Variants in SLC25A21 observed in about 807,000 individuals in gnomAD.
SLC25A21 encodes mitochondrial 2-oxodicarboxylate carrier.
A neutral mutation model predicts 43.8 loss-of-function variants in SLC25A21; 47 were observed. That is an observed-to-expected ratio of 1.07 (90% CI 0.85 to 1.37). The LOEUF is 1.37. Among genes scored for constraint, SLC25A21 ranks in the 40% most tolerant of loss-of-function variants. The pLI is 0.00. For missense variants in SLC25A21, 352 were observed against 350.2 expected, an observed-to-expected ratio of 1.00 and a Z score of -0.04; for synonymous variants, 131 against 121.3, an observed-to-expected ratio of 1.08 and a Z score of -0.52.
At chr14:37,074,271 C>T (rs931355078) in intron 1 of SLC25A21, among the ~76,000 whole-genome samples, 4 of 151,900 alleles carry the variant, frequency 2.6e-5, no homozygotes, top group African/African-American at 7.3e-5. Flanking sequence ...TACTATTCTA[C>T]GGTTGAAACT....
At chr14:36,808,852 C>G (rs896343573) in intron 3 of SLC25A21, 2 of 152,104 alleles carry the variant, frequency 1.3e-5, no homozygotes, top group Non-Finnish European at 2.9e-5. Context: ...TGTTTAACTC[C>G]TATTTTTGCC....
At chr14:37,094,676 G>T (rs147117512) in intron 1 of SLC25A21, among the ~76,000 whole-genome samples, 1 of 151,376 alleles carries the variant, frequency 6.6e-6, no homozygotes, top group Admixed American at 6.6e-5. Context: ...ATACACACAC[G>T]TGACTCTAGA....
chr14:37,039,200 G>T (rs9888611), intron 1 of SLC25A21, among the ~76,000 whole-genome samples: 71,119 of 151,794 alleles, frequency 0.47, 19,022 homozygotes, highest in African/African-American at 0.75. Flanking sequence ...ACAGTATGTT[G>T]CAAAATACTG....
At chr14:36,773,186 G>GA (rs35175418) in intron 3 of SLC25A21, among the ~76,000 whole-genome samples, 26,887 of 147,816 alleles carry the variant, frequency 0.18, 2,731 homozygotes, top group East Asian at 0.3. Flanking sequence ...TTTCGAGAAG[G>GA]AAAAAAAAAA....
chr14:36,863,610 G>C (rs1890132830), intron 2 of SLC25A21, among the ~76,000 whole-genome samples: 1 of 152,168 alleles, frequency 6.6e-6, no homozygotes, highest in South Asian at 2.1e-4. Flanking sequence ...TTTATGTGGG[G>C]AGAACTGACT....
intron 1 of SLC25A21, among the ~76,000 whole-genome samples, chr14:36,920,856 T>C (rs1174321421): frequency 6.6e-6 from 1 of 152,158 alleles, no homozygotes; most frequent in African/African-American, 2.4e-5. Flanking sequence ...GGCAAAGTTA[T>C]AGCACTAATG....
At chr14:36,776,225 TC>T (rs1886818073) in intron 3 of SLC25A21, among the ~76,000 whole-genome samples, 1 of 54,000 alleles carries the variant, frequency 1.9e-5, no homozygotes, top group African/African-American at 5.8e-5. Flanking sequence ...TTTTTCTTTT[TC>T]TTTCTTTCTT....
At position 36,994,210 on chromosome 14, in the gene SLC25A21, A is replaced by T. The variant is rs571013844; in HGVS notation, c.71-119206T>A. Among the ~76,000 whole-genome samples, 44 of 152,198 alleles carry T rather than the reference A, an allele frequency of 2.9e-4. 1 individual carries two copies. Among genetic ancestry groups the T allele is most frequent in the Non-Finnish European group, 4.3e-4 (29 of 68,040 alleles). On this transcript the variant is annotated intron_variant, in intron 1 of 9. Coordinates refer to ENST00000331299, the MANE Select transcript of SLC25A21 (RefSeq NM_030631.4). ...CCCCAAACTACTTGTTACCTGCTTC[A>T]CAATATGGAGAGAAGTCTAGAAAAA...
At chr14:36,880,879 G>A (rs535525688) in intron 1 of SLC25A21, among the ~76,000 whole-genome samples, 107 of 152,274 alleles carry the variant, frequency 7.0e-4, no homozygotes, top group Middle Eastern at 6.8e-3. Flanking sequence ...TGATTGTCCA[G>A]AGCTGTGTGC....
At chr14:36,988,732 G>A (rs1960199628) in intron 1 of SLC25A21, among the ~76,000 whole-genome samples, 2 of 152,132 alleles carry the variant, frequency 1.3e-5, no homozygotes, top group Non-Finnish European at 2.9e-5. Flanking sequence ...AAACTCCCTA[G>A]CTGATTCTGA....
intron 4 of SLC25A21, among the ~76,000 whole-genome samples, chr14:36,730,421 T>C (rs1339163142): frequency 6.6e-6 from 1 of 152,218 alleles, no homozygotes; most frequent in Non-Finnish European, 1.5e-5. Flanking sequence ...CGTTTTTAAG[T>C]TCTGCTAGAG....
At chr14:36,976,572 C>T (rs1488777567) in intron 1 of SLC25A21, among the ~76,000 whole-genome samples, 15 of 152,224 alleles carry the variant, frequency 9.9e-5, no homozygotes, top group African/African-American at 3.6e-4. Flanking sequence ...TGCAAAGTGC[C>T]TGTGCAACGT....
chr14:36,705,578 ATC>A (rs1044928104), intron 7 of SLC25A21, among the ~76,000 whole-genome samples: 1 of 151,968 alleles, frequency 6.6e-6, no homozygotes, highest in South Asian at 2.1e-4. Context: ...CTCCCACTTA[ATC>A]TCTCTCTGTC....
chr14:37,124,796 T>C (rs567689738), intron 1 of SLC25A21, among the ~76,000 whole-genome samples: 1 of 152,058 alleles, frequency 6.6e-6, no homozygotes, highest in Non-Finnish European at 1.5e-5. Context: ...CATGACAGAG[T>C]TCTCACAAGA....
chr14:37,116,372 C>T (rs1963106254), intron 1 of SLC25A21, among the ~76,000 whole-genome samples: 1 of 152,156 alleles, frequency 6.6e-6, no homozygotes, highest in Non-Finnish European at 1.5e-5. Context: ...GTGCATCTTA[C>T]AACACTTAAG....
chr14:36,967,540 G>C lies in SLC25A21; in HGVS notation c.71-92536C>G, dbSNP rs560731968. Among the ~76,000 whole-genome samples the C allele has an allele frequency of 1.1e-4, 17 of 152,248 alleles. No homozygotes were observed. The South Asian group carries it at 3.5e-3, about 32-fold the overall frequency. On this transcript the variant is annotated intron_variant, in intron 1 of 9. Transcript: ENST00000331299. ...AACTTTTCCCCACACCCAAAACGCG[G>C]GCTTGCTAAGCAGATGATGCTTGTT...
chr14:36,871,955 TA>T (rs1413027165), intron 2 of SLC25A21, among the ~76,000 whole-genome samples: 1 of 152,304 alleles, frequency 6.6e-6, no homozygotes, highest in East Asian at 1.9e-4. Context: ...TATTATCAGC[TA>T]GGTAAAATTT....
chr14:37,068,639 C>T (rs1354881623), intron 1 of SLC25A21, among the ~76,000 whole-genome samples: 2 of 152,116 alleles, frequency 1.3e-5, no homozygotes, highest in East Asian at 1.9e-4. Flanking sequence ...AAAAACATTG[C>T]TAGATGCTAA....
intron 3 of SLC25A21, among the ~76,000 whole-genome samples, chr14:36,773,860 T>C (rs11847505): frequency 0.045 from 6,814 of 152,262 alleles, 510 homozygotes; most frequent in African/African-American, 0.15. Flanking sequence ...CATACATCCA[T>C]TCATAATGGT....
Sources: gnomAD v4.1 joint callset for allele counts (sites outside exome capture counted in the v4.1 genomes callset) on GRCh38, gnomAD v4.1.1 for gene constraint, MANE v1.5 for transcripts, NCBI Gene and HGNC (gene_info 2026-07-23, HGNC 2026-07-21) for gene names.